Variants in TMEM232 observed in about 807,000 individuals in gnomAD.
The protein encoded by TMEM232 is transmembrane protein 232.
TMEM232 carries 80 observed loss-of-function variants against 78.8 expected under a neutral mutation model. That is an observed-to-expected ratio of 1.01 (90% CI 0.85 to 1.22). TMEM232 has a LOEUF of 1.22. TMEM232 is among the 50% of genes most tolerant of loss of function. TMEM232 has a pLI of 0.00. For missense variants in TMEM232, 881 were observed against 742.2 expected (o/e 1.19, Z -2.17); for synonymous variants, 297 against 254.3 (o/e 1.17, Z -1.60).
In TMEM232 at chr5:110,618,422, C is replaced by T. The variant is rs764487030; in HGVS notation, c.902+7G>A. ...GAGTTACTTTGGATTTATAGGATCA[C>T]TCTTACCAGCATTTCTTTTGAAGCT... On this transcript the variant is annotated splice_region_variant and intron_variant, in intron 8 of 13. Transcript: ENST00000455884. The T allele has an allele frequency of 2.5e-5, 39 of 1,550,220 alleles. No individual in the cohort carries two copies. The African/African-American group carries it at 4.4e-4, about 17-fold the overall frequency.
At chr5:110,480,168 C>T (rs1763705735) in intron 12 of TMEM232, among the ~76,000 whole-genome samples, 1 of 151,576 alleles carries the variant, frequency 6.6e-6, no homozygotes, top group Admixed American at 6.6e-5. Flanking sequence ...GCATAGCAGT[C>T]TACTTCAGTG....
At chr5:110,669,429 G>A (rs568630906) in intron 1 of TMEM232, among the ~76,000 whole-genome samples, 1 of 152,216 alleles carries the variant, frequency 6.6e-6, no homozygotes, top group South Asian at 2.1e-4. Flanking sequence ...GACTAAACCA[G>A]GAAGAAGCTG....
intron 12 of TMEM232, among the ~76,000 whole-genome samples, chr5:110,499,742 A>T (rs1251786280): frequency 6.6e-6 from 1 of 152,072 alleles, no homozygotes; most frequent in Non-Finnish European, 1.5e-5. Context: ...ACCAGAATTA[A>T]AAAGATGTAT....
intron 11 of TMEM232, among the ~76,000 whole-genome samples, chr5:110,530,237 T>C (rs1164433405): frequency 6.6e-6 from 1 of 151,930 alleles, no homozygotes; most frequent in Non-Finnish European, 1.5e-5. Context: ...ATGAGAAAAA[T>C]AGCAAAAGGC....
At chr5:110,694,455 T>C (rs989482592) in intron 1 of TMEM232, among the ~76,000 whole-genome samples, 1 of 152,044 alleles carries the variant, frequency 6.6e-6, no homozygotes, top group Non-Finnish European at 1.5e-5. Context: ...TACATAACAA[T>C]ATTAACCTTA....
chr5:110,665,891 C>CAAAAAAAAAAAAAAAAAAAAAAAA (rs775392111), intron 2 of TMEM232, among the ~76,000 whole-genome samples: 1 of 63,802 alleles, frequency 1.6e-5, no homozygotes, highest in Non-Finnish European at 3.6e-5. Flanking sequence ...CCCATCTCCA[C>CAAAAAAAAAAAAAAAAAAAAAAAA]AAAAAAAAAA....
At chr5:110,661,980 T>C (rs940288780) in intron 2 of TMEM232, among the ~76,000 whole-genome samples, 1 of 152,220 alleles carries the variant, frequency 6.6e-6, no homozygotes, top group Admixed American at 6.6e-5. Context: ...TTTGCCCATA[T>C]TTCAATTAGA....
chr5:110,620,654 T>C (rs1333509250), intron 7 of TMEM232, among the ~76,000 whole-genome samples: 6 of 132,732 alleles, frequency 4.5e-5, no homozygotes, highest in African/African-American at 1.7e-4. Flanking sequence ...CTCCTCTCTC[T>C]CTCTCCTCCT....
intron 12 of TMEM232, among the ~76,000 whole-genome samples, chr5:110,500,558 TG>T (rs1412820927): frequency 5.9e-5 from 9 of 152,076 alleles, no homozygotes; most frequent in African/African-American, 2.2e-4. Flanking sequence ...TTTATAGCAG[TG>T]AAGATGTATA....
rs78213327 is a variant in TMEM232 at position 110,677,241 on chromosome 5, A to AT, written c.-12-9878dup. On this transcript the variant is annotated intron_variant, in intron 1 of 13. Transcript: ENST00000455884. ...TATGTTCATTTTTTTTAATTGTCTA[A>AT]TTTTTTTTTTCTATTGAGTTGTTTG... 5.7e-3 allele frequency among the ~76,000 whole-genome samples: 835 copies of AT among 147,614 alleles called. 3 individuals are homozygous for AT. The highest frequency in any genetic ancestry group is 0.018 in the African/African-American group (706 of 40,190).
At chr5:110,560,602 T>C (rs925404403) in intron 11 of TMEM232, among the ~76,000 whole-genome samples, 2 of 151,928 alleles carry the variant, frequency 1.3e-5, no homozygotes, top group African/African-American at 4.8e-5. Context: ...ATTGATAAAA[T>C]AGAAAACCCA....
intron 12 of TMEM232, among the ~76,000 whole-genome samples, chr5:110,525,750 T>C (rs1024261715): frequency 4.0e-5 from 6 of 151,422 alleles, no homozygotes; most frequent in Non-Finnish European, 5.9e-5. Flanking sequence ...ACTGGCAATA[T>C]AGAACTAGCC....
chr5:110,669,283 A>T (rs1791044898), intron 1 of TMEM232, among the ~76,000 whole-genome samples: 1 of 152,234 alleles, frequency 6.6e-6, no homozygotes, highest in Non-Finnish European at 1.5e-5. Flanking sequence ...TGCAATAAAA[A>T]ATGATAAAGG....
At chr5:110,482,448 G>C (rs1763970925) in intron 12 of TMEM232, among the ~76,000 whole-genome samples, 1 of 151,984 alleles carries the variant, frequency 6.6e-6, no homozygotes, top group Non-Finnish European at 1.5e-5. Flanking sequence ...AGGCGTGGTG[G>C]TGGGTGCTTA....
intron 10 of TMEM232, among the ~76,000 whole-genome samples, chr5:110,592,679 AAAAC>A (rs1385802540): frequency 6.6e-6 from 1 of 152,122 alleles, no homozygotes; most frequent in African/African-American, 2.4e-5. Context: ...ACAAAAACAA[AAAAC>A]AAACAAAAAA....
At position 110,696,070 on chromosome 5, in the gene TMEM232, C is replaced by T. The variant is rs527809582; in HGVS notation, c.-12-28706G>A. 7.6e-3 allele frequency among the ~76,000 whole-genome samples: 1,150 copies of T among 152,250 alleles called. 20 individuals carry two copies. Among genetic ancestry groups the T allele is most frequent in the African/African-American group, 0.027 (1,119 of 41,532 alleles). On this transcript the variant is annotated intron_variant, in intron 1 of 13. Coordinates refer to ENST00000455884, the MANE Select transcript of TMEM232 (RefSeq NM_001039763.4). Reference sequence around the variant, plus strand: ...AAATCCTCAATAAAATACTGGCAAACTGAATCCAGCAGCACATCAAAAAGC... The same window carrying T: ...AAATCCTCAATAAAATACTGGCAAATTGAATCCAGCAGCACATCAAAAAGC...
At chr5:110,718,042 AT>A (rs1797200215) in intron 1 of TMEM232, among the ~76,000 whole-genome samples, 1 of 152,112 alleles carries the variant, frequency 6.6e-6, no homozygotes. Flanking sequence ...GGATCTGAAT[AT>A]TTTTGGTCTT....
intron 12 of TMEM232, among the ~76,000 whole-genome samples, chr5:110,502,100 A>G (rs929676818): frequency 1.2e-4 from 18 of 152,126 alleles, no homozygotes; most frequent in Admixed American, 9.2e-4. Flanking sequence ...TCCATAGAGT[A>G]TGTGTGTGAT....
intron 12 of TMEM232, among the ~76,000 whole-genome samples, chr5:110,466,819 A>G (rs1203836057): frequency 1.3e-5 from 2 of 151,790 alleles, no homozygotes; most frequent in Non-Finnish European, 2.9e-5. Flanking sequence ...GTTTCGCTGT[A>G]TTAGCCAGGA....
Sources: allele counts gnomAD v4.1 joint callset (sites outside exome capture counted in the v4.1 genomes callset), GRCh38; gene constraint gnomAD v4.1.1; transcripts MANE v1.5; gene names NCBI Gene and HGNC (gene_info 2026-07-23, HGNC 2026-07-21).